Variants in RAD51D observed in about 807,000 individuals in gnomAD.
RAD51D encodes DNA repair protein RAD51 homolog 4.
Under a neutral mutation model 44.1 loss-of-function variants are expected in RAD51D, and 38 were observed. The ratio of observed to expected loss-of-function variants is 0.86; its 90% CI spans 0.67 to 1.13. The LOEUF (loss-of-function observed/expected upper bound fraction) is 1.13, where lower values mean the gene tolerates loss of function less well. Ranked by LOEUF, RAD51D falls within the 50% of genes most tolerant of loss-of-function variation. The pLI, the probability that RAD51D is intolerant of heterozygous loss-of-function variation, is 0.00. For synonymous variants in RAD51D, 141 were observed against 166.6 expected (o/e 0.85, Z 1.18); for missense variants, 390 against 414.0 (o/e 0.94, Z 0.50).
In RAD51D at chr17:35,107,428, C is replaced by CAGTTT. The variant is rs1242354217; in HGVS notation, c.282_283insAAACT (p.Ala95LysfsTer10). On this transcript the variant is annotated frameshift_variant, in exon 4 of 10. Transcript: ENST00000345365. LOFTEE classifies it high-confidence loss of function. ...GTCACTTCTCCAGTATAGAGACCAG[C>CAGTTT]ATCAAGCAGTTTATCAAGACTGATG... 6.4e-7 allele frequency: 1 copy of CAGTTT among 1,558,696 alleles called. No individual in the cohort carries two copies. The highest frequency in any genetic ancestry group is 2.2e-5 in the East Asian group (1 of 44,622).
intron 4 of RAD51D, 65 bp downstream of exon 4, chr17:35,107,301 G>T (rs2142435582): frequency 6.7e-7 from 1 of 1,483,976 alleles, no homozygotes; most frequent in Non-Finnish European, 9.4e-7. Context: ...CTCCCCCAGG[G>T]ACCCTGGGCT....
chr17:35,109,337 G>T (rs1015086782), intron 3 of RAD51D, among the ~76,000 whole-genome samples: 3 of 152,090 alleles, frequency 2.0e-5, no homozygotes, highest in African/African-American at 7.2e-5. Flanking sequence ...CCACTTTGGG[G>T]CTACTATAAA....
At position 35,100,341 on chromosome 17, in the gene RAD51D, G is replaced by GA; in HGVS notation, c.*611dup. The GA allele has an allele frequency of 1.9e-6, 1 of 534,246 alleles. No homozygotes were observed. The highest frequency in any genetic ancestry group is 3.9e-5 in the East Asian group (1 of 25,674). 33.1% of individuals were successfully genotyped at this position (534,246 alleles called of 1,614,324 possible). ...TCTTTGGGCCTCACTGGGGGAAACT[G>GA]AAAAACAGCCTTCTAAGGGGAAATC... On this transcript the variant is annotated 3_prime_UTR_variant, in exon 10 of 10. Coordinates refer to ENST00000345365, the MANE Select transcript of RAD51D (RefSeq NM_002878.4).
chr17:35,095,020 C>G lies in RAD51D; in HGVS notation c.*5933G>C, dbSNP rs374438174. On this transcript the variant is annotated 3_prime_UTR_variant, in exon 10 of 10. Coordinates refer to ENST00000345365, the MANE Select transcript of RAD51D (RefSeq NM_002878.4). ...GCATGTGCTTCAGGAAAGCCTGTCCCCAGCCTCAGCTCCAGGGCTATTTCC... is the reference window on the plus strand; with the variant it reads ...GCATGTGCTTCAGGAAAGCCTGTCCGCAGCCTCAGCTCCAGGGCTATTTCC... 2 of 152,216 alleles carry G rather than the reference C, an allele frequency of 1.3e-5. No homozygotes were observed. The highest frequency in any genetic ancestry group is 4.8e-5 in the African/African-American group (2 of 41,426). 9.4% of individuals were successfully genotyped at this position (152,216 alleles called of 1,614,324 possible).
intron 3 of RAD51D, among the ~76,000 whole-genome samples, chr17:35,111,620 A>G (rs1351861435): frequency 2.6e-5 from 4 of 152,074 alleles, no homozygotes; most frequent in Admixed American, 6.6e-5. Context: ...TGGGTTATCT[A>G]TTCTGTTCCA....
chr17:35,100,488 G>A lies in RAD51D; in HGVS notation c.*465C>T. On this transcript the variant is annotated 3_prime_UTR_variant, in exon 10 of 10. Transcript: ENST00000345365. ...GTAACTCAGAGACAGAGCTAAGGAA[G>A]AGTGGGCCCCCATCTAACAAATGGA... 1 of 535,974 alleles carries A rather than the reference G, an allele frequency of 1.9e-6. No homozygotes were observed. Among genetic ancestry groups the A allele is most frequent in the East Asian group, 3.9e-5 (1 of 25,798 alleles). The allele number at this position is 535,974 out of a possible 1,614,324, so 33.2% of individuals were successfully genotyped here. A position where few individuals can be genotyped will look rare whatever the true frequency, so the allele number is the denominator to read the frequency against.
intron 3 of RAD51D, among the ~76,000 whole-genome samples, chr17:35,109,133 C>A (rs1249891517): frequency 6.6e-6 from 1 of 152,088 alleles, no homozygotes; most frequent in African/African-American, 2.4e-5. Flanking sequence ...TCCCAAAGTG[C>A]GGGGATTACA....
intron 3 of RAD51D, 61 bp downstream of exon 3, chr17:35,118,440 G>T: frequency 7.1e-7 from 1 of 1,404,400 alleles, no homozygotes; most frequent in Non-Finnish European, 1.0e-6. Flanking sequence ...ATCAAAAGCA[G>T]AGCTGAGAGG....
At position 35,100,207 on chromosome 17, in the gene RAD51D, G is replaced by T. The variant is rs1315419267; in HGVS notation, c.*746C>A. 1 of 532,668 alleles carries T rather than the reference G, an allele frequency of 1.9e-6. No individual in the cohort carries two copies. The highest frequency in any genetic ancestry group is 3.6e-6 in the Non-Finnish European group (1 of 275,290). The allele number at this position is 532,668 out of a possible 1,614,324, so 33.0% of individuals were successfully genotyped here. ...GGAGCAGGTCATACCCTCCCTTTCT[G>T]TTAAATTATATCCCTGGAACTGCAG... On this transcript the variant is annotated 3_prime_UTR_variant, in exon 10 of 10. Coordinates refer to ENST00000345365, the MANE Select transcript of RAD51D (RefSeq NM_002878.4).
rs140317560 is a variant in RAD51D at position 35,118,618 on chromosome 17, G to A, written c.146C>T (p.Ala49Val). 2.0e-4 allele frequency: 327 copies of A among 1,613,700 alleles called. No homozygotes were observed. The African/African-American group carries it at 4.0e-3, about 20-fold the overall frequency. ...CAGCACCCGCCTCAGGGCAACCAGG[G>A]CCTGCCAAAGGGCCCCAGACTGCTC... The part of the protein sequence containing the change: ...VAQKCGLSYK[A>V]LVALRRVLLA... Residue 49 changes from alanine to valine, a missense_variant and splice_region_variant, in exon 3 of 10, where the codon GCC becomes GTC. Physicochemically the swap from Ala to Val is moderately conservative, Grantham distance 64 (BLOSUM62 0). Coordinates refer to ENST00000345365, the MANE Select transcript of RAD51D (RefSeq NM_002878.4).
At chr17:35,107,225 T>A (rs1193094290) in intron 4 of RAD51D, 103 bp from the exon 5 acceptor site, 14 of 1,499,076 alleles carry the variant, frequency 9.3e-6, no homozygotes, top group Non-Finnish European at 1.3e-5. Context: ...ATGGGCTGAG[T>A]CCCGACCCCA....
At chr17:35,107,283 C>T (rs973917201) in intron 4 of RAD51D, 83 bp downstream of exon 4, 133 of 1,457,602 alleles carry the variant, frequency 9.1e-5, no homozygotes, top group African/African-American at 1.7e-4. Flanking sequence ...CCCATTAGTA[C>T]GCTGAAGCTC....
rs1429367052 is a variant in RAD51D, at chr17:35,094,887, G to T, written c.*6066C>A. 1 of 145,486 alleles carries T rather than the reference G, an allele frequency of 6.9e-6. No individual in the cohort carries two copies. Among genetic ancestry groups the T allele is most frequent in the East Asian group, 2.0e-4 (1 of 4,998 alleles). The allele number at this position is 145,486 out of a possible 1,614,324, so 9.0% of individuals were successfully genotyped here. ...TAGAGCCTTGATTAACTCGTCTTTG[G>T]TACTACCGTAAGTACTAGTGAGAGG... On this transcript the variant is annotated 3_prime_UTR_variant, in exon 10 of 10. Transcript: ENST00000345365.
At chr17:35,111,812 G>GC (rs2091680267) in intron 3 of RAD51D, among the ~76,000 whole-genome samples, 1 of 148,384 alleles carries the variant, frequency 6.7e-6, no homozygotes, top group South Asian at 2.1e-4. Flanking sequence ...TATGTCTATA[G>GC]AAAAAAAAAA....
intron 3 of RAD51D, among the ~76,000 whole-genome samples, chr17:35,115,569 C>A (rs528422050): frequency 6.6e-6 from 1 of 152,124 alleles, no homozygotes; most frequent in East Asian, 1.9e-4. Flanking sequence ...GTCCACAGCA[C>A]ACGGTAAGAA....
Position 35,101,270 on chromosome 17 carries a change from C to T in RAD51D, c.834G>A (p.Leu278=), listed in dbSNP as rs876658123. ...WSFVPSTRIL[L]DTIEGAGASG... is the part of the protein sequence containing the mutation. ...ATGCTCCTGCTCCCTCGATGGTGTCCAGGAGAATCCGAGTGCTGGGCACAA... is the reference window on the plus strand; with the variant it reads ...ATGCTCCTGCTCCCTCGATGGTGTCTAGGAGAATCCGAGTGCTGGGCACAA... The change falls in exon 9 of 10, where the codon CTG becomes CTA. Residue 278 remains leucine, a synonymous_variant. Coordinates refer to ENST00000345365, the MANE Select transcript of RAD51D (RefSeq NM_002878.4). The T allele has an allele frequency of 1.2e-6, 2 of 1,614,188 alleles. No homozygotes were observed. The highest frequency in any genetic ancestry group is 1.7e-6 in the Non-Finnish European group (2 of 1,180,040).
rs1291425379 is a variant in RAD51D, at chr17:35,100,596, G to A, written c.*357C>T. 1.8e-6 allele frequency: 1 copy of A among 554,348 alleles called. No individual in the cohort carries two copies. Among genetic ancestry groups the A allele is most frequent in the Non-Finnish European group, 3.4e-6 (1 of 291,594 alleles). 34.3% of individuals were successfully genotyped at this position (554,348 alleles called of 1,614,324 possible). A position where few individuals can be genotyped will look rare whatever the true frequency, so the allele number is the denominator to read the frequency against. ...CCGGCTTGGCCACTGCGCTAGGAGG[G>A]AGCACAGGACACAATGGTGATGCAC... is the stretch of plus-strand genomic sequence containing the variant. On this transcript the variant is annotated 3_prime_UTR_variant, in exon 10 of 10. Coordinates refer to ENST00000345365, the MANE Select transcript of RAD51D (RefSeq NM_002878.4).
Position 35,100,756 on chromosome 17 carries a change from G to A in RAD51D, c.*197C>T, listed in dbSNP as rs745882312. The A allele has an allele frequency of 2.9e-6, 2 of 688,638 alleles. No homozygotes were observed. Among genetic ancestry groups the A allele is most frequent in the East Asian group, 2.7e-5 (1 of 36,802 alleles). 42.7% of individuals were successfully genotyped at this position (688,638 alleles called of 1,614,324 possible). A position where few individuals can be genotyped will look rare whatever the true frequency, so the allele number is the denominator to read the frequency against. ...CACCAGTATGAATTTCTGGGTCCTC[G>A]CAATGCAGCATCCTCTTTCGCCTGT... On this transcript the variant is annotated 3_prime_UTR_variant, in exon 10 of 10. Transcript: ENST00000345365.
At chr17:35,111,071 AGTCT>A (rs2091669312) in intron 3 of RAD51D, among the ~76,000 whole-genome samples, 1 of 150,524 alleles carries the variant, frequency 6.6e-6, no homozygotes. Context: ...ATTGCACTCC[AGTCT>A]GGGCAAAAAG....
Sources: allele counts gnomAD v4.1 joint callset (sites outside exome capture counted in the v4.1 genomes callset), GRCh38; gene constraint gnomAD v4.1.1; transcripts MANE v1.5; gene names NCBI Gene and HGNC (gene_info 2026-07-23, HGNC 2026-07-21).